LMAN1: variants seen among roughly 807,000 people sequenced by gnomAD.
LMAN1 encodes protein ERGIC-53.
Under a neutral mutation model 67.8 loss-of-function variants are expected in LMAN1, and 32 were observed. The ratio of observed to expected loss-of-function variants is 0.47; its 90% CI spans 0.36 to 0.63. The LOEUF (loss-of-function observed/expected upper bound fraction) is 0.63, where lower values mean the gene tolerates loss of function less well. LMAN1 is among the 30% of genes least tolerant of loss of function. The pLI is 0.00. For missense variants in LMAN1, 632 were observed against 628.2 expected, an observed-to-expected ratio of 1.01 and a Z score of -0.06; for synonymous variants, 235 against 219.3, an observed-to-expected ratio of 1.07 and a Z score of -0.63.
chr18:59,347,631 T>A, intron 6 of LMAN1, 60 bp from the exon 7 acceptor site: 1 of 1,101,462 alleles, frequency 9.1e-7, no homozygotes, highest in Non-Finnish European at 1.3e-6. Flanking sequence ...TTTATCATTG[T>A]AAATGTATTT....
In LMAN1 at chr18:59,335,743, GAA is replaced by G. The variant is rs199903379; in HGVS notation, c.1221-2501_1221-2500del. Among the ~76,000 whole-genome samples the G allele has an allele frequency of 2.6e-3, 401 of 152,182 alleles. 1 individual carries two copies. Among genetic ancestry groups the G allele is most frequent in the African/African-American group, 9.1e-3 (379 of 41,528 alleles). On this transcript the variant is annotated intron_variant, in intron 10 of 12. Transcript: ENST00000251047. ...CTAAATGAGTAATATCAGCCATAAT[GAA>G]AAGAGTAGGGAAAAAGAGAACTACA...
intron 8 of LMAN1, among the ~76,000 whole-genome samples, chr18:59,345,369 T>C (rs574004181): frequency 6.6e-6 from 1 of 152,340 alleles, no homozygotes; most frequent in African/African-American, 2.4e-5. Context: ...TGGGTTAGAC[T>C]AGTATTTTAT....
intron 8 of LMAN1, among the ~76,000 whole-genome samples, chr18:59,343,730 T>C (rs1908338881): frequency 1.3e-5 from 2 of 152,024 alleles, no homozygotes; most frequent in Admixed American, 6.5e-5. Context: ...CTCTTCTGCA[T>C]ATTGGCCTAG....
chr18:59,355,276 G>T (rs1252849851), intron 3 of LMAN1, 37 bp downstream of exon 3: 6 of 1,430,790 alleles, frequency 4.2e-6, no homozygotes, highest in East Asian at 2.4e-5. Flanking sequence ...GTTGATAGAT[G>T]TATTAAAGTG....
chr18:59,343,817 G>C (rs41333646), intron 8 of LMAN1, among the ~76,000 whole-genome samples: 2,086 of 152,072 alleles, frequency 0.014, 53 homozygotes, highest in African/African-American at 0.048. Context: ...AAACTAAAAA[G>C]CTTCTACACA....
intron 10 of LMAN1, among the ~76,000 whole-genome samples, chr18:59,337,459 C>T (rs912125153): frequency 1.3e-5 from 2 of 152,036 alleles, no homozygotes; most frequent in African/African-American, 4.8e-5. Context: ...TGAATTGTAT[C>T]AATGTTAATT....
chr18:59,340,753 G>A (rs958613544), intron 8 of LMAN1, among the ~76,000 whole-genome samples: 3 of 151,926 alleles, frequency 2.0e-5, no homozygotes, highest in African/African-American at 7.3e-5. Flanking sequence ...GAATCAAATG[G>A]CAACATGACA....
At chr18:59,351,938 C>T (rs529150895) in intron 5 of LMAN1, among the ~76,000 whole-genome samples, 2 of 152,194 alleles carry the variant, frequency 1.3e-5, no homozygotes, top group African/African-American at 4.8e-5. Context: ...GGAATTAAGA[C>T]TAAGCCAATA....
In LMAN1 at chr18:59,338,566, T is replaced by A; in HGVS notation, c.1211A>T (p.Asn404Ile). The change falls in exon 10 of 13, where the codon AAT becomes ATT. Residue 404 changes from asparagine (N) to isoleucine (I), a missense_variant. Physicochemically the swap from Asn to Ile is moderately radical, Grantham distance 149. Transcript: ENST00000251047. ...KTQHEILRQV[N>I]EMKNSMSETV... ...ACTTTTCCATACTTACTTCATTTCA[T>A]TTACTTGTCTCAGAATCTCATGCTG... 6.2e-7 allele frequency: 1 copy of A among 1,612,902 alleles called. No individual in the cohort carries two copies. Among genetic ancestry groups the A allele is most frequent in the Non-Finnish European group, 8.5e-7 (1 of 1,179,036 alleles).
intron 5 of LMAN1, 38 bp downstream of exon 5, chr18:59,353,164 A>T (rs778398587): frequency 7.3e-6 from 11 of 1,511,934 alleles, no homozygotes; most frequent in Non-Finnish European, 9.2e-6. Flanking sequence ...ATACTGTAAC[A>T]TTGTTTATTT....
chr18:59,334,046 G>T (rs1342024803), intron 10 of LMAN1, among the ~76,000 whole-genome samples: 1 of 152,160 alleles, frequency 6.6e-6, no homozygotes, highest in African/African-American at 2.4e-5. Context: ...ATATGCTCAA[G>T]AAAATTCCTG....
At chr18:59,350,015 G>C (rs1015353594) in intron 5 of LMAN1, among the ~76,000 whole-genome samples, 3 of 152,160 alleles carry the variant, frequency 2.0e-5, no homozygotes, top group African/African-American at 4.8e-5. Flanking sequence ...CAAGGCACCA[G>C]AGTAAGGGAA....
chr18:59,339,705 G>T (rs2058835574), intron 8 of LMAN1, among the ~76,000 whole-genome samples: 1 of 152,160 alleles, frequency 6.6e-6, no homozygotes, highest in Non-Finnish European at 1.5e-5. Flanking sequence ...ATGTTCCAAG[G>T]AGAGAAGGGG....
Position 59,338,849 on chromosome 18 carries a change from T to A in LMAN1, c.1060A>T (p.Met354Leu). The change falls in exon 9 of 13, where the codon ATG becomes TTG. Residue 354 changes from methionine to leucine, a missense_variant. Transcript: ENST00000251047. ...EIKQLNRQLD[M>L]ILDEQRRYVS... is the part of the protein sequence containing the mutation. ...TATCTTCTCTGTTCATCAAGAATCA[T>A]ATCTAACTGCCGGTTCAGCTGCTTG... 6.2e-7 allele frequency: 1 copy of A among 1,613,982 alleles called. No individual in the cohort carries two copies. Among genetic ancestry groups the A allele is most frequent in the Non-Finnish European group, 8.5e-7 (1 of 1,179,956 alleles).
Position 59,345,858 on chromosome 18 carries a change from G to A in LMAN1, c.955+61C>T, listed in dbSNP as rs537522866. ...AGCTAGGCAACACAGAGACTCAAGC[G>A]TCCATGATCAACAGCCTCAAGCCCT... is the stretch of plus-strand genomic sequence containing the variant. On this transcript the variant is annotated intron_variant, in intron 8 of 12. Transcript: ENST00000251047. The A allele has an allele frequency of 2.9e-5, 46 of 1,597,716 alleles. 2 individuals carry two copies. Among genetic ancestry groups the A allele is most frequent in the South Asian group, 7.7e-5 (7 of 90,562 alleles).
Position 59,355,358 on chromosome 18 carries a change from CCACAGATCAGCTGATCCAAA to C in LMAN1, c.412_431del (p.Phe138GlufsTer8). 6.2e-7 allele frequency: 1 copy of C among 1,614,048 alleles called. No individual in the cohort carries two copies. The highest frequency in any genetic ancestry group is 8.5e-7 in the Non-Finnish European group (1 of 1,179,944). ...AATCAAAAAATATTCCAACACCATT[CCACAGATCAGCTGATCCAAA>C]CACAGGGCCCTCCAAGCCTTGATTT... On this transcript the variant is annotated frameshift_variant, in exon 3 of 13. Transcript: ENST00000251047. LOFTEE classifies it high-confidence loss of function.
intron 7 of LMAN1, 27 bp from the exon 8 acceptor site, chr18:59,346,078 C>A (rs1366485632): frequency 1.9e-6 from 3 of 1,561,824 alleles, no homozygotes; most frequent in South Asian, 2.3e-5. Flanking sequence ...TGGAATAGAT[C>A]ATTAAAAAGA....
rs543483287 is a variant in LMAN1 at position 59,329,477 on chromosome 18, T to C, written c.*1616A>G. On this transcript the variant is annotated 3_prime_UTR_variant, in exon 13 of 13. Coordinates refer to ENST00000251047, the MANE Select transcript of LMAN1 (RefSeq NM_005570.4). ...GGAGCAAGAGTAAATTCTGTGATGA[T>C]GAAGCCTCTGAAACATGAATTTCAA... 42 of 152,282 alleles carry C rather than the reference T, an allele frequency of 2.8e-4. No homozygotes were observed. Among genetic ancestry groups the C allele is most frequent in the African/African-American group, 9.6e-4 (40 of 41,574 alleles). The allele number at this position is 152,282 out of a possible 1,614,324, so 9.4% of individuals were successfully genotyped here.
At chr18:59,347,616 T>G (rs766430606) in intron 6 of LMAN1, 45 bp from the exon 7 acceptor site, 2 of 1,238,044 alleles carry the variant, frequency 1.6e-6, no homozygotes, top group South Asian at 2.7e-5. Context: ...CCATAGGAGA[T>G]TACTTTTATC....
Sources: allele counts gnomAD v4.1 joint callset (sites outside exome capture counted in the v4.1 genomes callset), GRCh38; gene constraint gnomAD v4.1.1; transcripts MANE v1.5; gene names NCBI Gene and HGNC (gene_info 2026-07-23, HGNC 2026-07-21).